PGM1: variants seen among roughly 807,000 people sequenced by gnomAD.
PGM1 encodes the protein phosphoglucomutase-1.
In PGM1, 52 loss-of-function variants were observed where a neutral mutation model predicts 55.6. That is an observed-to-expected ratio of 0.94 (90% CI 0.75 to 1.18). The LOEUF is 1.18. PGM1 is among the 50% of genes most tolerant of loss of function. The probability of loss-of-function intolerance (pLI) is 0.00; values close to 1 mark genes in which losing one functional copy is unlikely to be tolerated. For missense variants in PGM1, 724 were observed against 729.3 expected (o/e 0.99, Z 0.08); for synonymous variants, 287 against 271.7 (o/e 1.06, Z -0.55).
chr1:63,600,927 C>T (rs1051297002), intron 1 of PGM1, among the ~76,000 whole-genome samples: 2 of 152,106 alleles, frequency 1.3e-5, no homozygotes, highest in African/African-American at 2.4e-5. Flanking sequence ...CAACATTGAT[C>T]AAATATTTAA....
chr1:63,633,900 GTGTGTGTGTGTGTGTGTGTA>G (rs1318102375), intron 4 of PGM1, among the ~76,000 whole-genome samples: 6 of 44,742 alleles, frequency 1.3e-4, no homozygotes, highest in Admixed American at 4.7e-4. Context: ...GTGTGTGTGT[GTGTGTGTGTGTGTGTGTGTA>G]TATATATATA....
chr1:63,657,768 T>C (rs1179009100), intron 10 of PGM1, among the ~76,000 whole-genome samples: 2 of 152,098 alleles, frequency 1.3e-5, no homozygotes, highest in African/African-American at 2.4e-5. Flanking sequence ...GCTTCACTTT[T>C]ACATTTTTTC....
Position 63,654,469 on chromosome 1 carries a change from A to T in PGM1, c.1599+3A>T. On this transcript the variant is annotated splice_donor_region_variant and intron_variant, in intron 10 of 10. Transcript: ENST00000371084. ...CCAAGATTAACCAGGACCCCCAGGT[A>T]ACGCCCAGCCCTGTGCCCTGGTTAG... is the stretch of plus-strand genomic sequence containing the variant. The T allele has an allele frequency of 6.2e-7, 1 of 1,613,950 alleles. No individual in the cohort carries two copies. Among genetic ancestry groups the T allele is most frequent in the Non-Finnish European group, 8.5e-7 (1 of 1,179,838 alleles).
intron 1 of PGM1, among the ~76,000 whole-genome samples, chr1:63,618,992 C>T (rs1648816047): frequency 6.6e-6 from 1 of 152,200 alleles, no homozygotes; most frequent in African/African-American, 2.4e-5. Flanking sequence ...CTGTCACGGA[C>T]TCTCACATAT....
At chr1:63,616,949 T>C (rs1179383524) in intron 1 of PGM1, among the ~76,000 whole-genome samples, 1 of 152,214 alleles carries the variant, frequency 6.6e-6, no homozygotes, top group Non-Finnish European at 1.5e-5. Flanking sequence ...TTCAGAGCAG[T>C]GCTAAAGGCT....
At chr1:63,652,158 C>T (rs912911350) in intron 9 of PGM1, among the ~76,000 whole-genome samples, 1 of 152,168 alleles carries the variant, frequency 6.6e-6, no homozygotes, top group African/African-American at 2.4e-5. Flanking sequence ...ATTGTACATG[C>T]AGAAAGGAGC....
chr1:63,609,323 G>A (rs1336826899), intron 1 of PGM1, among the ~76,000 whole-genome samples: 2 of 152,232 alleles, frequency 1.3e-5, no homozygotes, highest in African/African-American at 4.8e-5. Context: ...TGCAAGAAAT[G>A]TATGCTGGCA....
chr1:63,606,413 T>TG (rs1459781022), intron 1 of PGM1, among the ~76,000 whole-genome samples: 1 of 152,190 alleles, frequency 6.6e-6, no homozygotes. Context: ...CCAGGGCTGA[T>TG]GTGTGGCTCC....
At chr1:63,629,736 C>A in intron 2 of PGM1, 149 bp downstream of exon 2, 2 of 932,588 alleles carry the variant, frequency 2.1e-6, no homozygotes, top group Non-Finnish European at 3.4e-6. Context: ...CAGTGAAATG[C>A]TTCTCATTTG....
chr1:63,596,068 G>A (rs1293199555), intron 1 of PGM1, among the ~76,000 whole-genome samples: 1 of 151,962 alleles, frequency 6.6e-6, no homozygotes, highest in Non-Finnish European at 1.5e-5. Context: ...ATACACTCTG[G>A]TCTAATCTTA....
chr1:63,613,938 T>G (rs1243534754), intron 1 of PGM1, among the ~76,000 whole-genome samples: 1 of 152,182 alleles, frequency 6.6e-6, no homozygotes, highest in Non-Finnish European at 1.5e-5. Flanking sequence ...ATGAGAAACG[T>G]GAGCTTTGGC....
At chr1:63,633,044 A>G (rs1477992562) in intron 4 of PGM1, among the ~76,000 whole-genome samples, 1 of 152,138 alleles carries the variant, frequency 6.6e-6, no homozygotes, top group African/African-American at 2.4e-5. Flanking sequence ...AAATCCCTAA[A>G]AAACTAACTC....
chr1:63,635,108 C>T lies in PGM1; in HGVS notation c.873+89C>T, dbSNP rs538617739. ...AAAAGTGGGCTGCTTCTGCCAGACCCAGGGAATAACTGTTAAGGATCCCTC... is the reference window on the plus strand; with the variant it reads ...AAAAGTGGGCTGCTTCTGCCAGACCTAGGGAATAACTGTTAAGGATCCCTC... On this transcript the variant is annotated intron_variant, in intron 5 of 10. Transcript: ENST00000371084. 8 of 1,054,260 alleles carry T rather than the reference C, an allele frequency of 7.6e-6. No individual in the cohort carries two copies. The East Asian group carries it at 1.4e-4, about 19-fold the overall frequency. The allele number at this position is 1,054,260 out of a possible 1,614,324, so 65.3% of individuals were successfully genotyped here. A position where few individuals can be genotyped will look rare whatever the true frequency, so the allele number is the denominator to read the frequency against.
intron 4 of PGM1, among the ~76,000 whole-genome samples, chr1:63,632,695 T>C (rs1185841536): frequency 6.6e-6 from 1 of 152,126 alleles, no homozygotes; most frequent in Non-Finnish European, 1.5e-5. Flanking sequence ...ATGTGCAATG[T>C]TTGGGGAGAC....
chr1:63,633,128 A>G (rs562800073), intron 4 of PGM1, among the ~76,000 whole-genome samples: 1 of 152,340 alleles, frequency 6.6e-6, no homozygotes, highest in Admixed American at 6.5e-5. Flanking sequence ...TAATTTGACT[A>G]GGTATAAAGA....
intron 1 of PGM1, among the ~76,000 whole-genome samples, chr1:63,604,249 C>G (rs1648349742): frequency 6.6e-6 from 1 of 152,174 alleles, no homozygotes; most frequent in South Asian, 2.1e-4. Flanking sequence ...AACAGACACT[C>G]AAAACAACAG....
chr1:63,594,484 A>G (rs78960876), intron 1 of PGM1, among the ~76,000 whole-genome samples: 1,896 of 152,142 alleles, frequency 0.012, 21 homozygotes, highest in Non-Finnish European at 0.02. Context: ...GAATGGCAAC[A>G]TACCCAAAGA....
At position 63,593,637 on chromosome 1, in the gene PGM1, C is replaced by G. The variant is rs1647934433; in HGVS notation, c.149C>G (p.Ala50Gly). The change falls in exon 1 of 11, where the codon GCG becomes GGG. Residue 50 changes from alanine to glycine, a missense_variant. Around this residue, in one of 3 missense-constraint regions of PGM1, gnomAD observed 379 missense variants for 357.5 expected, o/e 1.06. Transcript: ENST00000371084. ...AGTATCATCTCCACCGTGGAGCCGG[C>G]GCAGCGGCAGGAGGCCACGCTGGTG... ...IQSIISTVEP[A>G]QRQEATLVVG... The G allele has an allele frequency of 1.2e-6, 2 of 1,611,514 alleles. No individual in the cohort carries two copies. The highest frequency in any genetic ancestry group is 1.7e-6 in the Non-Finnish European group (2 of 1,179,130).
intron 1 of PGM1, among the ~76,000 whole-genome samples, chr1:63,614,697 C>A (rs1648662903): frequency 6.6e-6 from 1 of 152,094 alleles, no homozygotes; most frequent in Non-Finnish European, 1.5e-5. Context: ...ACAGACAGTT[C>A]ACTAAATCAA....
Sources: allele counts gnomAD v4.1 joint callset (sites outside exome capture counted in the v4.1 genomes callset), GRCh38; gene constraint gnomAD v4.1.1; regional missense constraint gnomAD v4.1.1; transcripts MANE v1.5; gene names NCBI Gene and HGNC (gene_info 2026-07-23, HGNC 2026-07-21).